Variants in SH3RF3 observed in about 807,000 individuals in gnomAD.
SH3RF3 encodes the protein SH3 domain containing ring finger 3.
A neutral mutation model predicts 66.3 loss-of-function variants in SH3RF3; 29 were observed. The ratio of observed to expected loss-of-function variants is 0.44; its 90% CI spans 0.33 to 0.60. The LOEUF (loss-of-function observed/expected upper bound fraction) is 0.60. Ranked by LOEUF, SH3RF3 falls within the 20% of genes least tolerant of loss-of-function variation. The pLI is 0.04. For synonymous variants in SH3RF3, 583 were observed against 532.0 expected (o/e 1.10, Z -1.32); for missense variants, 1,194 against 1,190.9 (o/e 1.00, Z -0.04).
rs747725795 is a variant in SH3RF3, at chr2:109,432,601, T to C, written c.1504T>C (p.Phe502Leu). The stretch of plus-strand genomic sequence containing the variant: ...CCTCGAGAAGTGTCAGGATGGCTGG[T>C]TCAAGGGGGCGTCTCTGAGGACCGG... Reference protein sequence around the residue: ...RVLEKCQDGWFKGASLRTGVS... With the variant: ...RVLEKCQDGWLKGASLRTGVS... Residue 502 changes from phenylalanine to leucine, a missense_variant, in exon 6 of 10, where the codon TTC becomes CTC. Phe to Leu is a conservative substitution (Grantham distance 22, BLOSUM62 0). Transcript: ENST00000309415. The C allele has an allele frequency of 6.2e-7, 1 of 1,613,288 alleles. No homozygotes were observed. The highest frequency in any genetic ancestry group is 8.5e-7 in the Non-Finnish European group (1 of 1,179,678).
At chr2:109,371,058 C>T (rs1683261218) in intron 2 of SH3RF3, among the ~76,000 whole-genome samples, 1 of 152,140 alleles carries the variant, frequency 6.6e-6, no homozygotes, top group Non-Finnish European at 1.5e-5. Context: ...CCAGGCTTTC[C>T]CATATGGGGC....
chr2:109,359,788 A>G (rs182110931), intron 2 of SH3RF3, among the ~76,000 whole-genome samples: 3 of 152,010 alleles, frequency 2.0e-5, no homozygotes, highest in Admixed American at 2.0e-4. Context: ...GGGAAAAAAG[A>G]CCCTCCCAGG....
rs146947831 is a variant in SH3RF3 at position 109,370,209 on chromosome 2, G to C, written c.850-1377G>C. Among the ~76,000 whole-genome samples, 843 of 145,626 alleles carry C rather than the reference G, an allele frequency of 5.8e-3. 6 individuals carry two copies. The highest frequency in any genetic ancestry group is 0.021 in the African/African-American group (770 of 36,328). On this transcript the variant is annotated intron_variant, in intron 2 of 9. Transcript: ENST00000309415. ...TGTGGTGGTCTCTGTCTCTGTCTCT[G>C]TCTCTGTCTCTGTCTCTGTCTCTCT... is the stretch of plus-strand genomic sequence containing the variant.
At chr2:109,374,795 T>G (rs144943041) in intron 3 of SH3RF3, among the ~76,000 whole-genome samples, 1 of 152,342 alleles carries the variant, frequency 6.6e-6, no homozygotes, top group African/African-American at 2.4e-5. Flanking sequence ...ACAGCTGCCC[T>G]ATGGGGTTCA....
intron 1 of SH3RF3, among the ~76,000 whole-genome samples, chr2:109,294,682 C>T (rs111358713): frequency 0.016 from 2,365 of 151,960 alleles, 48 homozygotes; most frequent in African/African-American, 0.054. Flanking sequence ...GATGTGGTGA[C>T]GGGGCTGGGC....
intron 5 of SH3RF3, among the ~76,000 whole-genome samples, chr2:109,423,797 G>C (rs1676955595): frequency 6.6e-6 from 1 of 152,126 alleles, no homozygotes; most frequent in South Asian, 2.1e-4. Context: ...ATGCGACCAA[G>C]AATATGAGAG....
chr2:109,147,146 A>G (rs1026196058), intron 1 of SH3RF3, among the ~76,000 whole-genome samples: 5 of 151,922 alleles, frequency 3.3e-5, no homozygotes, highest in African/African-American at 4.8e-5. Context: ...TTTTTGTCCA[A>G]AAGACAGAGG....
intron 8 of SH3RF3, among the ~76,000 whole-genome samples, chr2:109,489,428 G>A (rs1406147494): frequency 2.0e-5 from 3 of 152,350 alleles, no homozygotes; most frequent in African/African-American, 4.8e-5. Context: ...AGACCCCAGC[G>A]TGGCTTGGGC....
At chr2:109,153,999 T>C (rs1677281049) in intron 1 of SH3RF3, among the ~76,000 whole-genome samples, 1 of 152,216 alleles carries the variant, frequency 6.6e-6, no homozygotes, top group South Asian at 2.1e-4. Context: ...GGCAGCCAAG[T>C]GACCTGGTCA....
At chr2:109,420,514 C>T (rs762302402) in intron 5 of SH3RF3, among the ~76,000 whole-genome samples, 5 of 152,116 alleles carry the variant, frequency 3.3e-5, no homozygotes, top group East Asian at 1.9e-4. Context: ...GGCGCGATCC[C>T]GGCTCACTGC....
intron 1 of SH3RF3, among the ~76,000 whole-genome samples, chr2:109,142,685 A>G (rs1047642042): frequency 1.3e-5 from 2 of 152,170 alleles, no homozygotes; most frequent in East Asian, 1.9e-4. Flanking sequence ...TGTGAGGTCA[A>G]CTGAGCGGAG....
At chr2:109,421,999 G>A (rs1438737595) in intron 5 of SH3RF3, among the ~76,000 whole-genome samples, 1 of 152,212 alleles carries the variant, frequency 6.6e-6, no homozygotes, top group Non-Finnish European at 1.5e-5. Flanking sequence ...ATCAGTTTAT[G>A]AGGAAGGGGA....
At chr2:109,288,429 T>C (rs941911098) in intron 1 of SH3RF3, among the ~76,000 whole-genome samples, 8 of 152,310 alleles carry the variant, frequency 5.3e-5, no homozygotes, top group Non-Finnish European at 7.3e-5. Flanking sequence ...ATATGCCAGC[T>C]TTAAAACCCG....
intron 4 of SH3RF3, among the ~76,000 whole-genome samples, chr2:109,416,301 A>G (rs535267555): frequency 6.6e-6 from 1 of 152,136 alleles, no homozygotes; most frequent in African/African-American, 2.4e-5. Context: ...CATGCTTAGA[A>G]TTACATGTCC....
At chr2:109,206,552 T>C (rs1678844526) in intron 1 of SH3RF3, among the ~76,000 whole-genome samples, 1 of 134,820 alleles carries the variant, frequency 7.4e-6, no homozygotes, top group Non-Finnish European at 1.6e-5. Context: ...CTCACACCTA[T>C]AATCCCAGCA....
In SH3RF3 at chr2:109,388,452, G is replaced by A. The variant is rs112509539; in HGVS notation, c.946-10138G>A. Among the ~76,000 whole-genome samples the A allele has an allele frequency of 2.5e-3, 387 of 152,290 alleles. 2 individuals are homozygous for A. Among genetic ancestry groups the A allele is most frequent in the African/African-American group, 8.9e-3 (368 of 41,552 alleles). The stretch of plus-strand genomic sequence containing the variant: ...AGTGCTGAGTGAGGCTTGGACTCAT[G>A]CAAGATCCACCACCCTCCCCAGCCA... On this transcript the variant is annotated intron_variant, in intron 3 of 9. Coordinates refer to ENST00000309415, the MANE Select transcript of SH3RF3 (RefSeq NM_001099289.3).
At chr2:109,277,514 G>A (rs376812981) in intron 1 of SH3RF3, among the ~76,000 whole-genome samples, 3 of 152,312 alleles carry the variant, frequency 2.0e-5, no homozygotes, top group African/African-American at 7.2e-5. Flanking sequence ...CGAGCAGTCC[G>A]TGGAATACCA....
intron 1 of SH3RF3, among the ~76,000 whole-genome samples, chr2:109,326,675 A>G (rs546594713): frequency 2.0e-5 from 3 of 152,350 alleles, no homozygotes; most frequent in African/African-American, 7.2e-5. Context: ...AAGTTAACTT[A>G]TCTTTTTCTT....
chr2:109,294,279 G>A lies in SH3RF3; in HGVS notation c.574-53395G>A, dbSNP rs62152181. On this transcript the variant is annotated intron_variant, in intron 1 of 9. Coordinates refer to ENST00000309415, the MANE Select transcript of SH3RF3 (RefSeq NM_001099289.3). ...TGTCCTGCCTGTATAAAGAATTGCT[G>A]TGCCGTGTGCGGTGGTCATGCCTGT... Among the ~76,000 whole-genome samples, 508 of 152,254 alleles carry A rather than the reference G, an allele frequency of 3.3e-3. 1 individual carries two copies. Among genetic ancestry groups the A allele is most frequent in the Non-Finnish European group, 5.7e-3 (390 of 68,004 alleles).
Sources: allele counts gnomAD v4.1 joint callset (sites outside exome capture counted in the v4.1 genomes callset), GRCh38; gene constraint gnomAD v4.1.1; transcripts MANE v1.5; gene names NCBI Gene and HGNC (gene_info 2026-07-23, HGNC 2026-07-21).